Variants in LHFPL3 observed in about 807,000 individuals in gnomAD.
LHFPL3 encodes LHFPL tetraspan subfamily member 3 protein.
In LHFPL3, 5 loss-of-function variants were observed where a neutral mutation model predicts 19.3. That is an observed-to-expected ratio of 0.26 (90% CI 0.14 to 0.54). LHFPL3 has a LOEUF of 0.54. Among genes scored for constraint, LHFPL3 ranks in the 20% least tolerant of loss-of-function variants. LHFPL3 has a pLI of 0.94. For missense variants in LHFPL3, 249 were observed against 307.4 expected (o/e 0.81, Z 1.42); for synonymous variants, 133 against 126.2 (o/e 1.05, Z -0.36).
chr7:104,815,339 G>A (rs1338838541), intron 2 of LHFPL3, among the ~76,000 whole-genome samples: 1 of 152,166 alleles, frequency 6.6e-6, no homozygotes, highest in African/African-American at 2.4e-5. Flanking sequence ...ACCCCCAGCA[G>A]GAGAAGGGCA....
intron 1 of LHFPL3, among the ~76,000 whole-genome samples, chr7:104,476,916 A>G (rs1426033605): frequency 6.6e-6 from 1 of 152,246 alleles, no homozygotes; most frequent in Admixed American, 6.5e-5. Context: ...GAAAGGGATC[A>G]TTTGAGGAGT....
At chr7:104,542,215 A>G (rs1794499007) in intron 1 of LHFPL3, among the ~76,000 whole-genome samples, 1 of 152,090 alleles carries the variant, frequency 6.6e-6, no homozygotes, top group Non-Finnish European at 1.5e-5. Flanking sequence ...TCCAGGACCT[A>G]GTCCTAAAAG....
chr7:104,440,726 G>A (rs926296751), intron 1 of LHFPL3, among the ~76,000 whole-genome samples: 12 of 152,134 alleles, frequency 7.9e-5, no homozygotes, highest in Non-Finnish European at 1.5e-4. Flanking sequence ...CATAGATTAC[G>A]TAAATCAACC....
At chr7:104,531,310 G>A (rs1306271225) in intron 1 of LHFPL3, among the ~76,000 whole-genome samples, 1 of 152,194 alleles carries the variant, frequency 6.6e-6, no homozygotes, top group Non-Finnish European at 1.5e-5. Flanking sequence ...GAAAATATAA[G>A]CAGCTCTGGC....
chr7:104,760,793 G>A (rs1794358012), intron 2 of LHFPL3, among the ~76,000 whole-genome samples: 1 of 152,106 alleles, frequency 6.6e-6, no homozygotes. Context: ...AGTGGCCTGA[G>A]GGCACTTTCA....
chr7:104,701,635 G>A (rs1404798223), intron 1 of LHFPL3, among the ~76,000 whole-genome samples: 7 of 152,132 alleles, frequency 4.6e-5, no homozygotes, highest in Admixed American at 2.0e-4. Flanking sequence ...TTGCAGAGGC[G>A]TAAGAAAGTT....
At chr7:104,757,533 T>TAA (rs768919681) in intron 2 of LHFPL3, 2 of 151,626 alleles carry the variant, frequency 1.3e-5, no homozygotes, top group African/African-American at 2.4e-5. Flanking sequence ...TAACTTCATT[T>TAA]AAAAAAAGAC....
At chr7:104,689,239 C>A (rs1792862771) in intron 1 of LHFPL3, among the ~76,000 whole-genome samples, 1 of 152,110 alleles carries the variant, frequency 6.6e-6, no homozygotes, top group Non-Finnish European at 1.5e-5. Flanking sequence ...CCCAAGGTGG[C>A]AGTGTCCAAG....
chr7:104,395,370 T>G (rs139445115), intron 1 of LHFPL3, among the ~76,000 whole-genome samples: 1 of 152,294 alleles, frequency 6.6e-6, no homozygotes, highest in East Asian at 1.9e-4. Context: ...CTCACACATT[T>G]CCCAATTCTT....
At chr7:104,707,444 T>C (rs1793213389) in intron 1 of LHFPL3, among the ~76,000 whole-genome samples, 1 of 152,180 alleles carries the variant, frequency 6.6e-6, no homozygotes, top group Non-Finnish European at 1.5e-5. Flanking sequence ...ACTAATCAGA[T>C]GAAAATAATC....
chr7:104,646,472 T>C (rs1330343085), intron 1 of LHFPL3, among the ~76,000 whole-genome samples: 3 of 152,218 alleles, frequency 2.0e-5, no homozygotes, highest in Non-Finnish European at 2.9e-5. Context: ...AAATAGGATG[T>C]AAGAATTGGC....
chr7:104,414,418 T>C (rs952341717), intron 1 of LHFPL3, among the ~76,000 whole-genome samples: 7 of 152,334 alleles, frequency 4.6e-5, no homozygotes, highest in Admixed American at 1.3e-4. Flanking sequence ...AGGCTCTTCA[T>C]AGAGTTTCTT....
At chr7:104,852,362 T>A (rs1791428813) in intron 2 of LHFPL3, among the ~76,000 whole-genome samples, 1 of 151,986 alleles carries the variant, frequency 6.6e-6, no homozygotes, top group Non-Finnish European at 1.5e-5. Context: ...CCCCCAGCAG[T>A]GGGGATCAGG....
chr7:104,867,292 G>A (rs1182038266), intron 2 of LHFPL3, among the ~76,000 whole-genome samples: 1 of 152,092 alleles, frequency 6.6e-6, no homozygotes, highest in Non-Finnish European at 1.5e-5. Flanking sequence ...TCCAGGAGCT[G>A]GTTTTTTGAA....
At chr7:104,832,491 A>G (rs899886108) in intron 2 of LHFPL3, among the ~76,000 whole-genome samples, 1 of 151,756 alleles carries the variant, frequency 6.6e-6, no homozygotes, top group Admixed American at 6.6e-5. Context: ...AACTTAGCAA[A>G]TTGAGTCCTA....
intron 2 of LHFPL3, among the ~76,000 whole-genome samples, chr7:104,759,190 C>T (rs1470675432): frequency 2.6e-5 from 4 of 152,152 alleles, no homozygotes; most frequent in Non-Finnish European, 2.9e-5. Flanking sequence ...AGGGGCTAAG[C>T]AAGTCTCTTG....
intron 1 of LHFPL3, among the ~76,000 whole-genome samples, chr7:104,672,812 C>T (rs540327502): frequency 6.6e-6 from 1 of 152,250 alleles, no homozygotes; most frequent in African/African-American, 2.4e-5. Flanking sequence ...CTACCTTCCA[C>T]CCCCGCCATT....
chr7:104,624,125 T>C (rs1791501288), intron 1 of LHFPL3, among the ~76,000 whole-genome samples: 1 of 151,860 alleles, frequency 6.6e-6, no homozygotes, highest in Non-Finnish European at 1.5e-5. Flanking sequence ...TATTAGAGGG[T>C]TTTTCAGGCA....
chr7:104,635,350 G>A (rs1791711532), intron 1 of LHFPL3, among the ~76,000 whole-genome samples: 1 of 152,116 alleles, frequency 6.6e-6, no homozygotes, highest in South Asian at 2.1e-4. Context: ...TCAACACAAT[G>A]AATGAAGAAA....
Sources: gnomAD v4.1 joint callset for allele counts (sites outside exome capture counted in the v4.1 genomes callset) on GRCh38, gnomAD v4.1.1 for gene constraint, MANE v1.5 for transcripts, NCBI Gene and HGNC (gene_info 2026-07-23, HGNC 2026-07-21) for gene names.